Variants in GRIN2A observed in about 807,000 individuals in gnomAD.
GRIN2A encodes glutamate ionotropic receptor NMDA type subunit 2A.
In GRIN2A, 22 loss-of-function variants were observed where a neutral mutation model predicts 113.4. The observed-to-expected ratio is 0.19, with a 90% CI of 0.14 to 0.28. The LOEUF (loss-of-function observed/expected upper bound fraction) is 0.28, where lower values mean the gene tolerates loss of function less well. GRIN2A is among the 10% of genes least tolerant of loss of function. The pLI, the probability that GRIN2A is intolerant of heterozygous loss-of-function variation, is 1.00. For synonymous variants in GRIN2A, 827 were observed against 738.4 expected, an observed-to-expected ratio of 1.12 and a Z score of -1.94; for missense variants, 1,502 against 1,887.0, an observed-to-expected ratio of 0.80 and a Z score of 3.78.
chr16:9,940,857 C>T (rs1385544845), intron 2 of GRIN2A, among the ~76,000 whole-genome samples: 3 of 152,120 alleles, frequency 2.0e-5, no homozygotes, highest in Non-Finnish European at 4.4e-5. Context: ...GTCCACAGAA[C>T]TTCATTAATG....
intron 2 of GRIN2A, among the ~76,000 whole-genome samples, chr16:10,079,473 A>C (rs995795465): frequency 1.3e-5 from 2 of 152,142 alleles, no homozygotes; most frequent in Non-Finnish European, 2.9e-5. Flanking sequence ...CAGATGTTAA[A>C]ACCTAATCCT....
At chr16:9,813,727 T>TTGAG (rs2141275923) in intron 10 of GRIN2A, among the ~76,000 whole-genome samples, 1 of 152,034 alleles carries the variant, frequency 6.6e-6, no homozygotes, top group East Asian at 1.9e-4. Flanking sequence ...CTGTGTTTAC[T>TTGAG]TGAGTTTTTA....
intron 2 of GRIN2A, among the ~76,000 whole-genome samples, chr16:9,964,202 T>C (rs1304667975): frequency 1.3e-5 from 2 of 152,174 alleles, no homozygotes; most frequent in Non-Finnish European, 2.9e-5. Context: ...AAGGGAATCG[T>C]CAAATATCCA....
intron 4 of GRIN2A, among the ~76,000 whole-genome samples, chr16:9,855,153 A>G (rs948651104): frequency 6.6e-6 from 1 of 152,168 alleles, no homozygotes; most frequent in African/African-American, 2.4e-5. Context: ...AGAATCATTA[A>G]TAGCACAGGC....
chr16:9,782,702 T>C (rs1483094663), intron 11 of GRIN2A, among the ~76,000 whole-genome samples: 2 of 152,224 alleles, frequency 1.3e-5, no homozygotes, highest in African/African-American at 4.8e-5. Flanking sequence ...TAACAGACAC[T>C]AAGATTCTGA....
chr16:9,965,395 G>A (rs1414975037), intron 2 of GRIN2A, among the ~76,000 whole-genome samples: 2 of 152,186 alleles, frequency 1.3e-5, no homozygotes, highest in East Asian at 3.8e-4. Context: ...CCCCAAAGCT[G>A]CCTCAATATC....
chr16:9,823,216 A>AG (rs5815549), intron 9 of GRIN2A, among the ~76,000 whole-genome samples: 52,050 of 152,076 alleles, frequency 0.34, 10,447 homozygotes, highest in African/African-American at 0.57. Flanking sequence ...TGAGAGTCGA[A>AG]TCAATAGAAC....
intron 2 of GRIN2A, among the ~76,000 whole-genome samples, chr16:10,165,499 GATATATATATACATAT>G (rs1465774558): frequency 7.7e-6 from 1 of 129,702 alleles, no homozygotes; most frequent in Non-Finnish European, 1.6e-5. Flanking sequence ...TTATATTTTT[GATATATATATACATAT>G]ATATATATAT....
chr16:10,166,214 G>C (rs528102500), intron 2 of GRIN2A, among the ~76,000 whole-genome samples: 2 of 152,118 alleles, frequency 1.3e-5, no homozygotes, highest in Non-Finnish European at 2.9e-5. Context: ...TTCCTAATTT[G>C]AAGAGACAAG....
At position 9,764,445 on chromosome 16, in the gene GRIN2A, C is replaced by T. The variant is rs542311182; in HGVS notation, c.3099G>A (p.Gln1033=). Reference sequence around the variant, plus strand: ...TATTCTCTGCTGTTGCCTCATCCCTCTGGGAGACTGGATTCTGGGATAGTG... The same window carrying T: ...TATTCTCTGCTGTTGCCTCATCCCTTTGGGAGACTGGATTCTGGGATAGTG... The part of the protein sequence containing the change: ...QDSLSQNPVS[Q]RDEATAENRT... The change falls in exon 13 of 13, where the codon CAG becomes CAA. Residue 1033 remains glutamine (Q), a synonymous_variant. Transcript: ENST00000330684. 26 of 1,614,104 alleles carry T rather than the reference C, an allele frequency of 1.6e-5. No individual in the cohort carries two copies. In the South Asian group the frequency reaches 2.7e-4, roughly 17 times the overall value.
chr16:9,795,077 C>T (rs533140174), intron 11 of GRIN2A, among the ~76,000 whole-genome samples: 30 of 151,946 alleles, frequency 2.0e-4, no homozygotes, highest in African/African-American at 5.1e-4. Context: ...ATATCAGAGG[C>T]GTGTGAACCA....
At chr16:10,105,060 G>A (rs371502446) in intron 2 of GRIN2A, among the ~76,000 whole-genome samples, 90 of 152,304 alleles carry the variant, frequency 5.9e-4, no homozygotes, top group African/African-American at 2.0e-3. Context: ...TTAAAGCAGT[G>A]CCACTCTGGG....
chr16:9,885,224 A>AT (rs769999510), intron 4 of GRIN2A, among the ~76,000 whole-genome samples: 10 of 152,234 alleles, frequency 6.6e-5, no homozygotes, highest in Admixed American at 2.0e-4. Context: ...TACACGTGGC[A>AT]TTGGTTGTAC....
At chr16:9,897,769 C>G (rs987411583) in intron 3 of GRIN2A, among the ~76,000 whole-genome samples, 4 of 152,104 alleles carry the variant, frequency 2.6e-5, no homozygotes, top group Non-Finnish European at 2.9e-5. Flanking sequence ...TTCTAATGAA[C>G]AGCTGTTCTA....
chr16:10,088,285 T>G (rs970654682), intron 2 of GRIN2A, among the ~76,000 whole-genome samples: 1 of 152,266 alleles, frequency 6.6e-6, no homozygotes, highest in East Asian at 1.9e-4. Flanking sequence ...ACTGCCAACA[T>G]AGACTCTGTG....
intron 2 of GRIN2A, chr16:9,970,777 G>T: frequency 1.7e-5 from 16 of 943,060 alleles, no homozygotes; most frequent in Non-Finnish European, 2.0e-5. Context: ...ACTCTCAACA[G>T]GAGAAATATT....
intron 2 of GRIN2A, among the ~76,000 whole-genome samples, chr16:9,989,507 A>G (rs1331392821): frequency 2.0e-5 from 3 of 152,200 alleles, no homozygotes; most frequent in African/African-American, 7.2e-5. Flanking sequence ...TAAGTCCTCA[A>G]AAGCAAATGC....
intron 2 of GRIN2A, among the ~76,000 whole-genome samples, chr16:10,044,022 T>TAGAGAGAGAGAGATAG (rs2047216020): frequency 7.4e-5 from 8 of 107,982 alleles, no homozygotes; most frequent in African/African-American, 3.1e-4. Flanking sequence ...TATATATATA[T>TAGAGAGAGAGAGATAG]AGAGAGAGAG....
intron 2 of GRIN2A, among the ~76,000 whole-genome samples, chr16:10,137,289 A>G (rs1477242243): frequency 6.6e-6 from 1 of 152,158 alleles, no homozygotes; most frequent in African/African-American, 2.4e-5. Context: ...GGAGAACAAA[A>G]ATGAGGCTCA....
Sources: gnomAD v4.1 joint callset for allele counts (sites outside exome capture counted in the v4.1 genomes callset) on GRCh38, gnomAD v4.1.1 for gene constraint, MANE v1.5 for transcripts, NCBI Gene and HGNC (gene_info 2026-07-23, HGNC 2026-07-21) for gene names.